SLC25A26: variants seen among roughly 807,000 people sequenced by gnomAD.
SLC25A26 encodes mitochondrial S-adenosylmethionine carrier protein.
Under a neutral mutation model 37.8 loss-of-function variants are expected in SLC25A26, and 36 were observed. That is an observed-to-expected ratio of 0.95 (90% CI 0.73 to 1.26). The LOEUF is 1.26. Among genes scored for constraint, SLC25A26 ranks in the 50% most tolerant of loss-of-function variants. The pLI, the probability that SLC25A26 is intolerant of heterozygous loss-of-function variation, is 0.00. For synonymous variants in SLC25A26, 129 were observed against 122.5 expected (o/e 1.05, Z -0.35); for missense variants, 390 against 331.1 (o/e 1.18, Z -1.38).
At chr3:66,195,599 A>ATGGG (rs2071032865) in intron 1 of SLC25A26, among the ~76,000 whole-genome samples, 1 of 152,218 alleles carries the variant, frequency 6.6e-6, no homozygotes, top group Admixed American at 6.5e-5. Context: ...CGTCTGGCTG[A>ATGGG]TGGGTGGTGC....
At chr3:66,243,658 G>T (rs1222476719) in intron 3 of SLC25A26, among the ~76,000 whole-genome samples, 5 of 152,336 alleles carry the variant, frequency 3.3e-5, no homozygotes, top group East Asian at 3.9e-4. Flanking sequence ...ACTTTTCCGA[G>T]AATTTCCTTT....
intron 5 of SLC25A26, among the ~76,000 whole-genome samples, chr3:66,322,020 C>G (rs1267679787): frequency 2.6e-5 from 4 of 152,072 alleles, no homozygotes; most frequent in Admixed American, 6.6e-5. Context: ...ACCCAAGTAC[C>G]TCCCATTCCA....
At chr3:66,246,287 A>G (rs1298699933) in intron 3 of SLC25A26, among the ~76,000 whole-genome samples, 2 of 152,172 alleles carry the variant, frequency 1.3e-5, no homozygotes, top group Admixed American at 1.3e-4. Flanking sequence ...TGGCCACTTC[A>G]TTTCACCTGG....
At chr3:66,307,724 C>A (rs1200609771) in intron 5 of SLC25A26, among the ~76,000 whole-genome samples, 1 of 152,196 alleles carries the variant, frequency 6.6e-6, no homozygotes, top group African/African-American at 2.4e-5. Flanking sequence ...ATATGGCTAG[C>A]CAGTTTTCCC....
chr3:66,303,993 G>A (rs2075146847), intron 5 of SLC25A26, among the ~76,000 whole-genome samples: 1 of 152,140 alleles, frequency 6.6e-6, no homozygotes, highest in Admixed American at 6.6e-5. Context: ...CCCTCCATAG[G>A]CCCTTTTACA....
intron 3 of SLC25A26, among the ~76,000 whole-genome samples, chr3:66,245,744 G>A (rs1458999018): frequency 6.6e-6 from 1 of 152,138 alleles, no homozygotes; most frequent in Admixed American, 6.5e-5. Context: ...TGGGGATATG[G>A]AAAGAGAGGT....
intron 9 of SLC25A26, among the ~76,000 whole-genome samples, chr3:66,373,932 A>G (rs1700491395): frequency 6.6e-6 from 1 of 152,102 alleles, no homozygotes; most frequent in Non-Finnish European, 1.5e-5. Context: ...GGATGCAGTC[A>G]GGTGCTGGGA....
At chr3:66,261,969 A>T in intron 3 of SLC25A26, 82 bp from the exon 4 acceptor site, 1 of 758,562 alleles carries the variant, frequency 1.3e-6, no homozygotes, top group Non-Finnish European at 2.2e-6. Context: ...ATACCTTTTT[A>T]CTACAATTTT....
chr3:66,266,229 G>A (rs1222307009), intron 5 of SLC25A26, among the ~76,000 whole-genome samples: 3 of 152,104 alleles, frequency 2.0e-5, no homozygotes, highest in Non-Finnish European at 4.4e-5. Context: ...AATGAGAGAA[G>A]AATTATTGCC....
chr3:66,249,563 T>A (rs1205215960), intron 3 of SLC25A26, among the ~76,000 whole-genome samples: 1 of 152,248 alleles, frequency 6.6e-6, no homozygotes, highest in Non-Finnish European at 1.5e-5. Flanking sequence ...TTCACTGGCC[T>A]TTTCTAAGAA....
intron 5 of SLC25A26, among the ~76,000 whole-genome samples, chr3:66,302,037 G>T (rs1488763620): frequency 1.3e-5 from 2 of 152,130 alleles, no homozygotes; most frequent in Non-Finnish European, 2.9e-5. Flanking sequence ...TATGATTATT[G>T]TTGTGATGAT....
At chr3:66,355,162 C>G (rs2076547333) in intron 6 of SLC25A26, among the ~76,000 whole-genome samples, 1 of 152,024 alleles carries the variant, frequency 6.6e-6, no homozygotes. Context: ...ACTAAGCAAA[C>G]CCAGCATTTT....
intron 5 of SLC25A26, among the ~76,000 whole-genome samples, chr3:66,306,420 G>A (rs548750182): frequency 6.6e-6 from 1 of 152,276 alleles, no homozygotes; most frequent in East Asian, 1.9e-4. Flanking sequence ...CTTCTTTTGA[G>A]AAGTGTCTTT....
intron 1 of SLC25A26, among the ~76,000 whole-genome samples, chr3:66,209,252 GTA>G (rs1228806907): frequency 2.9e-5 from 4 of 137,652 alleles, no homozygotes; most frequent in Non-Finnish European, 6.2e-5. Context: ...ATATAAAGGT[GTA>G]TATATATGTG....
At chr3:66,312,874 TG>T (rs2075422780) in intron 5 of SLC25A26, among the ~76,000 whole-genome samples, 1 of 152,152 alleles carries the variant, frequency 6.6e-6, no homozygotes, top group Admixed American at 6.6e-5. Flanking sequence ...GTACCTCAGT[TG>T]GAAATGCAGA....
Position 66,377,541 on chromosome 3 carries a change from ATTAC to A in SLC25A26, c.708-146_708-143del, listed in dbSNP as rs1700742982. 4 of 596,766 alleles carry A rather than the reference ATTAC, an allele frequency of 6.7e-6. No homozygotes were observed. The Admixed American group carries it at 8.5e-5, about 13-fold the overall frequency. 37.0% of individuals were successfully genotyped at this position (596,766 alleles called of 1,614,324 possible). On this transcript the variant is annotated intron_variant, in intron 9 of 9. Coordinates refer to ENST00000354883, the MANE Select transcript of SLC25A26 (RefSeq NM_001379210.1). Reference sequence around the variant, plus strand: ...TTAGAACTACTGTTGGGACACAGCTATTACTTGCCTTATTTGGGAGCGTTCACAA... The same window carrying A: ...TTAGAACTACTGTTGGGACACAGCTATTGCCTTATTTGGGAGCGTTCACAA...
rs556696084 is a variant in SLC25A26, at chr3:66,378,147, G to T, written c.*340G>T. 1 of 194,470 alleles carries T rather than the reference G, an allele frequency of 5.1e-6. No individual in the cohort carries two copies. Among genetic ancestry groups the T allele is most frequent in the East Asian group, 1.2e-4 (1 of 8,426 alleles). 12.0% of individuals were successfully genotyped at this position (194,470 alleles called of 1,614,324 possible). On this transcript the variant is annotated 3_prime_UTR_variant, in exon 10 of 10. Coordinates refer to ENST00000354883, the MANE Select transcript of SLC25A26 (RefSeq NM_001379210.1). The stretch of plus-strand genomic sequence containing the variant: ...TTTCATTTCCTGCCACCTGATGGTG[G>T]ATTCAGCAGAAGGCAAGATGGTTAT...
At chr3:66,244,074 C>A (rs1337457899) in intron 3 of SLC25A26, among the ~76,000 whole-genome samples, 4 of 152,152 alleles carry the variant, frequency 2.6e-5, no homozygotes, top group African/African-American at 9.7e-5. Flanking sequence ...GAAGCAACAG[C>A]CCTATACAAA....
At chr3:66,311,208 C>T (rs2075366932) in intron 5 of SLC25A26, among the ~76,000 whole-genome samples, 1 of 151,966 alleles carries the variant, frequency 6.6e-6, no homozygotes, top group South Asian at 2.1e-4. Context: ...TATTTTTTCT[C>T]ATCTTGTCGT....
Sources: allele counts gnomAD v4.1 joint callset (sites outside exome capture counted in the v4.1 genomes callset), GRCh38; gene constraint gnomAD v4.1.1; transcripts MANE v1.5; gene names NCBI Gene and HGNC (gene_info 2026-07-23, HGNC 2026-07-21).